NRXN3: variants seen among roughly 807,000 people sequenced by gnomAD.
NRXN3 encodes neurexin III.
In NRXN3, 32 loss-of-function variants were observed where a neutral mutation model predicts 137.6. The ratio of observed to expected loss-of-function variants is 0.23; its 90% confidence interval spans 0.18 to 0.31. The LOEUF is 0.31. Among genes scored for constraint, NRXN3 ranks in the 10% least tolerant of loss-of-function variants. The probability of loss-of-function intolerance (pLI) is 1.00; values close to 1 mark genes in which losing one functional copy is unlikely to be tolerated. For synonymous variants in NRXN3, 798 were observed against 784.5 expected (o/e 1.02, Z -0.29); for missense variants, 1,574 against 2,062.5 (o/e 0.76, Z 4.59).
At position 79,736,727 on chromosome 14, in the gene NRXN3, G is replaced by A. The variant is rs148161699; in HGVS notation, c.4014+38790G>A. Among the ~76,000 whole-genome samples, 216 of 152,258 alleles carry A rather than the reference G, an allele frequency of 1.4e-3. 1 individual carries two copies. The highest frequency in any genetic ancestry group is 4.9e-3 in the African/African-American group (203 of 41,552). ...TGCTCAAACAGGTGGTGAGGATGTC[G>A]AGTGAATGAGAAACATATGGCTGTT... On this transcript the variant is annotated intron_variant, in intron 19 of 20. Coordinates refer to ENST00000335750, the MANE Select transcript of NRXN3 (RefSeq NM_001330195.2).
intron 19 of NRXN3, among the ~76,000 whole-genome samples, chr14:79,755,856 C>T (rs1432270481): frequency 4.6e-5 from 7 of 152,052 alleles, no homozygotes; most frequent in Non-Finnish European, 1.5e-5. Context: ...AATAATCACC[C>T]CTTACTTTAT....
chr14:78,660,028 T>A (rs1195992390), intron 6 of NRXN3, among the ~76,000 whole-genome samples: 1 of 152,056 alleles, frequency 6.6e-6, no homozygotes, highest in South Asian at 2.1e-4. Context: ...CAGGGATACA[T>A]TTGAGGCTTA....
At chr14:78,189,934 G>A (rs2060563202) in intron 1 of NRXN3, among the ~76,000 whole-genome samples, 1 of 152,094 alleles carries the variant, frequency 6.6e-6, no homozygotes, top group East Asian at 1.9e-4. Context: ...CTAGCACTCT[G>A]GCCGTCCTTA....
chr14:78,933,939 C>T (rs1409401676), intron 10 of NRXN3, among the ~76,000 whole-genome samples: 3 of 152,072 alleles, frequency 2.0e-5, no homozygotes, highest in Admixed American at 6.6e-5. Flanking sequence ...CCCAACCACC[C>T]CAGCTTCTGG....
At chr14:78,607,157 T>A (rs923726442) in intron 4 of NRXN3, among the ~76,000 whole-genome samples, 4 of 151,164 alleles carry the variant, frequency 2.6e-5, no homozygotes, top group African/African-American at 9.7e-5. Context: ...GGGAGAATAC[T>A]CCTTTCCCTA....
At chr14:78,282,791 G>T (rs1202603184) in intron 3 of NRXN3, among the ~76,000 whole-genome samples, 1 of 152,196 alleles carries the variant, frequency 6.6e-6, no homozygotes. Flanking sequence ...CTGTCTCCAG[G>T]GAGCCACTCA....
Position 79,641,335 on chromosome 14 carries a change from A to G in NRXN3, c.3445-22443A>G, listed in dbSNP as rs1423532652. Among the ~76,000 whole-genome samples, 3 of 135,232 alleles carry G rather than the reference A, an allele frequency of 2.2e-5. 1 individual carries two copies. Among genetic ancestry groups the G allele is most frequent in the African/African-American group, 7.4e-5 (3 of 40,706 alleles). The allele number at this position is 135,232 out of a possible 152,430, so 88.7% of individuals were successfully genotyped here. A position where few individuals can be genotyped will look rare whatever the true frequency, so the allele number is the denominator to read the frequency against. ...TTCTTTACTATAGAGTAAAAGTTGC[A>G]TGGTCGTTTTCTTGCATTTGGGTCA... is the stretch of plus-strand genomic sequence containing the variant. On this transcript the variant is annotated intron_variant, in intron 16 of 20. Transcript: ENST00000335750.
chr14:79,025,449 C>T (rs1465801525), intron 15 of NRXN3, among the ~76,000 whole-genome samples: 1 of 152,162 alleles, frequency 6.6e-6, no homozygotes, highest in African/African-American at 2.4e-5. Context: ...AAGTCACTAT[C>T]CATGGAACTC....
intron 19 of NRXN3, among the ~76,000 whole-genome samples, chr14:79,744,845 T>A (rs1360899456): frequency 1.3e-5 from 2 of 152,142 alleles, no homozygotes; most frequent in Non-Finnish European, 2.9e-5. Flanking sequence ...GTCCCTGGTA[T>A]GTGGCCAATA....
At chr14:79,441,864 C>T (rs61519036) in intron 15 of NRXN3, among the ~76,000 whole-genome samples, 43,009 of 135,436 alleles carry the variant, frequency 0.32, 6,493 homozygotes, top group Non-Finnish European at 0.36. Context: ...AACAAACAAA[C>T]GACAAAAAAA....
At chr14:78,856,933 A>G (rs933926484) in intron 10 of NRXN3, among the ~76,000 whole-genome samples, 6 of 152,276 alleles carry the variant, frequency 3.9e-5, no homozygotes, top group Non-Finnish European at 5.9e-5. Flanking sequence ...TGGTTTCACC[A>G]TGTTGGCCAG....
intron 16 of NRXN3, among the ~76,000 whole-genome samples, chr14:79,634,046 G>A (rs2098383403): frequency 6.6e-6 from 1 of 152,046 alleles, no homozygotes; most frequent in African/African-American, 2.4e-5. Context: ...TACAACTTTT[G>A]CTATCCTCAC....
At chr14:79,092,114 A>T (rs1434227018) in intron 15 of NRXN3, among the ~76,000 whole-genome samples, 1 of 152,194 alleles carries the variant, frequency 6.6e-6, no homozygotes, top group African/African-American at 2.4e-5. Context: ...CAAACTTGAG[A>T]TGAAATTAAA....
intron 16 of NRXN3, among the ~76,000 whole-genome samples, chr14:79,615,586 A>C (rs1208842735): frequency 6.6e-6 from 1 of 152,210 alleles, no homozygotes; most frequent in Non-Finnish European, 1.5e-5. Context: ...ACAGTTCTAC[A>C]TGGCTGGGAA....
intron 15 of NRXN3, among the ~76,000 whole-genome samples, chr14:79,349,948 G>A (rs1045109684): frequency 6.6e-6 from 1 of 152,114 alleles, no homozygotes; most frequent in Non-Finnish European, 1.5e-5. Flanking sequence ...TCTAGAACTG[G>A]GTGGCAATAA....
At chr14:78,327,239 G>A (rs1479798441) in intron 4 of NRXN3, among the ~76,000 whole-genome samples, 1 of 152,068 alleles carries the variant, frequency 6.6e-6, no homozygotes, top group African/African-American at 2.4e-5. Flanking sequence ...ACTTGGGGTC[G>A]GGGAAAGAAT....
intron 1 of NRXN3, among the ~76,000 whole-genome samples, chr14:78,209,831 C>G (rs2062571629): frequency 1.3e-5 from 2 of 152,186 alleles, no homozygotes; most frequent in Non-Finnish European, 2.9e-5. Context: ...AAATTGCAGT[C>G]CTCTCCCTCA....
In NRXN3 at chr14:79,632,764, G is replaced by A. The variant is rs1341364277; in HGVS notation, c.3445-31014G>A. Among the ~76,000 whole-genome samples, 2 of 152,058 alleles carry A rather than the reference G, an allele frequency of 1.3e-5. 1 individual carries two copies. Among genetic ancestry groups the A allele is most frequent in the Non-Finnish European group, 2.9e-5 (2 of 68,026 alleles). ...CTTCACATTACTGCTAAGAAGCAGTGATAAAACCAAGATTTTAAAATATTA... is the reference window on the plus strand; with the variant it reads ...CTTCACATTACTGCTAAGAAGCAGTAATAAAACCAAGATTTTAAAATATTA... On this transcript the variant is annotated intron_variant, in intron 16 of 20. Coordinates refer to ENST00000335750, the MANE Select transcript of NRXN3 (RefSeq NM_001330195.2).
intron 4 of NRXN3, among the ~76,000 whole-genome samples, chr14:78,306,488 A>G (rs1399190367): frequency 6.6e-6 from 1 of 152,164 alleles, no homozygotes; most frequent in Non-Finnish European, 1.5e-5. Flanking sequence ...TCTCATTTGT[A>G]AAGAATTCGA....
Sources: gnomAD v4.1 joint callset for allele counts (sites outside exome capture counted in the v4.1 genomes callset) on GRCh38, gnomAD v4.1.1 for gene constraint, MANE v1.5 for transcripts, NCBI Gene and HGNC (gene_info 2026-07-23, HGNC 2026-07-21) for gene names.